The following GRIK2 variants were observed in gnomAD, a reference collection of about 807,000 sequenced individuals.
GRIK2 encodes glutamate ionotropic receptor kainate type subunit 2.
GRIK2 carries 32 observed loss-of-function variants against 100.3 expected under a neutral mutation model. The observed-to-expected ratio is 0.32, with a 90% CI of 0.24 to 0.43. The LOEUF (loss-of-function observed/expected upper bound fraction) is 0.43, where lower values mean the gene tolerates loss of function less well. GRIK2 is among the 20% of genes least tolerant of loss of function. The pLI, the probability that GRIK2 is intolerant of heterozygous loss-of-function variation, is 1.00. For missense variants in GRIK2, 843 were observed against 1,114.9 expected, an observed-to-expected ratio of 0.76 and a Z score of 3.47; for synonymous variants, 417 against 389.4, an observed-to-expected ratio of 1.07 and a Z score of -0.83.
chr6:101,447,623 T>C (rs944650085), intron 2 of GRIK2, among the ~76,000 whole-genome samples: 1 of 151,594 alleles, frequency 6.6e-6, no homozygotes. Flanking sequence ...TTAGAAGGAG[T>C]GTAGCTCCCA....
At chr6:101,682,640 TTTA>T (rs1230409064) in intron 6 of GRIK2, 34 bp downstream of exon 6, 1 of 873,726 alleles carries the variant, frequency 1.1e-6, no homozygotes, top group Admixed American at 2.3e-5. Context: ...TGTTCTGAAT[TTTA>T]TTATTATGAC....
At chr6:101,563,425 T>C (rs1777117044) in intron 2 of GRIK2, among the ~76,000 whole-genome samples, 1 of 152,182 alleles carries the variant, frequency 6.6e-6, no homozygotes, top group Non-Finnish European at 1.5e-5. Flanking sequence ...TGTTGAAACA[T>C]TGTGTTGTCC....
chr6:101,471,079 C>T (rs1297419128), intron 2 of GRIK2, among the ~76,000 whole-genome samples: 2 of 151,988 alleles, frequency 1.3e-5, no homozygotes, highest in African/African-American at 4.8e-5. Flanking sequence ...ACTTTTTTCT[C>T]TTAATGTGTA....
chr6:101,558,229 A>T (rs1482873681), intron 2 of GRIK2, among the ~76,000 whole-genome samples: 1 of 152,208 alleles, frequency 6.6e-6, no homozygotes, highest in Non-Finnish European at 1.5e-5. Context: ...TCCACATTCA[A>T]TAAACATTCT....
intron 7 of GRIK2, among the ~76,000 whole-genome samples, chr6:101,774,863 T>TAC (rs1169851402): frequency 6.6e-6 from 1 of 151,896 alleles, no homozygotes; most frequent in African/African-American, 2.4e-5. Context: ...AAGATATATA[T>TAC]ATCAGAAAGA....
chr6:101,572,095 T>C (rs1777566395), intron 2 of GRIK2, among the ~76,000 whole-genome samples: 1 of 152,142 alleles, frequency 6.6e-6, no homozygotes, highest in Non-Finnish European at 1.5e-5. Context: ...CTGTATCTTT[T>C]TTAATGATTT....
intron 12 of GRIK2, chr6:101,891,471 C>T (rs977328088): frequency 3.7e-5 from 12 of 324,014 alleles, no homozygotes; most frequent in Middle Eastern, 1.2e-3. Flanking sequence ...AAGCCGAGAT[C>T]GTGCCACTGC....
At chr6:101,878,844 AAG>A (rs1245331346) in intron 11 of GRIK2, among the ~76,000 whole-genome samples, 3 of 152,000 alleles carry the variant, frequency 2.0e-5, no homozygotes, top group Admixed American at 6.6e-5. Context: ...CACTTATTTT[AAG>A]AGTCTGGTTC....
chr6:101,471,830 C>T (rs999578321), intron 2 of GRIK2, among the ~76,000 whole-genome samples: 8 of 151,688 alleles, frequency 5.3e-5, no homozygotes, highest in Non-Finnish European at 1.0e-4. Flanking sequence ...GAAATCTTCC[C>T]CTTTAGTATG....
chr6:101,759,877 AT>A (rs1562363164), intron 7 of GRIK2, among the ~76,000 whole-genome samples: 1 of 132,260 alleles, frequency 7.6e-6, no homozygotes, highest in African/African-American at 3.1e-5. Context: ...ATTTATTTTT[AT>A]TTTTATTTTT....
chr6:101,660,389 T>C (rs1238807210), intron 4 of GRIK2, among the ~76,000 whole-genome samples: 2 of 152,170 alleles, frequency 1.3e-5, no homozygotes, highest in Non-Finnish European at 2.9e-5. Context: ...TTTTTTAAGG[T>C]TCTTAGTTTC....
chr6:101,928,859 C>A (rs1325327405), intron 14 of GRIK2, among the ~76,000 whole-genome samples: 1 of 152,022 alleles, frequency 6.6e-6, no homozygotes, highest in African/African-American at 2.4e-5. Context: ...ATATTTTGTT[C>A]CTGTTTTGAG....
chr6:101,784,946 A>G (rs1006750408), intron 7 of GRIK2, among the ~76,000 whole-genome samples: 2 of 152,060 alleles, frequency 1.3e-5, no homozygotes, highest in African/African-American at 4.8e-5. Flanking sequence ...CTTTTTCTCC[A>G]TGTTTTTGGT....
At chr6:101,789,550 G>T (rs1408192938) in intron 7 of GRIK2, among the ~76,000 whole-genome samples, 1 of 152,066 alleles carries the variant, frequency 6.6e-6, no homozygotes, top group Non-Finnish European at 1.5e-5. Context: ...GCTCTGTTCT[G>T]TTCCATTGAT....
At chr6:101,453,023 C>T (rs1770796061) in intron 2 of GRIK2, among the ~76,000 whole-genome samples, 1 of 151,672 alleles carries the variant, frequency 6.6e-6, no homozygotes, top group Non-Finnish European at 1.5e-5. Context: ...TAAAAAAAAT[C>T]CTTTCTTCTA....
chr6:102,055,372 T>G lies in GRIK2; in HGVS notation c.2354T>G (p.Leu785Arg). The G allele has an allele frequency of 6.2e-7, 1 of 1,611,966 alleles. No homozygotes were observed. Among genetic ancestry groups the G allele is most frequent in the Non-Finnish European group, 8.5e-7 (1 of 1,178,118 alleles). Residue 785 changes from leucine (L) to arginine (R), a missense_variant, in exon 16 of 17, where the codon CTG (leucine) becomes CGG (arginine). Leu to Arg is a moderately radical substitution (Grantham distance 102). Coordinates refer to ENST00000369134, the MANE Select transcript of GRIK2 (RefSeq NM_021956.5). ...RDKITIAILQ[L>R]QEEGKLHMMK... ...AAAATTACCATAGCAATTCTTCAGC[T>G]GCAAGAGGAAGGCAAACTGCATATG... is the stretch of plus-strand genomic sequence containing the variant.
intron 7 of GRIK2, among the ~76,000 whole-genome samples, chr6:101,739,247 G>A (rs1230318384): frequency 6.6e-6 from 1 of 152,168 alleles, no homozygotes. Context: ...TTCTGCCACT[G>A]GAGAACACGA....
rs186064689 is a variant in GRIK2 at position 101,944,027 on chromosome 6, T to A, written c.2085+15395T>A. ...GGCCTGGCAGGAGGTGATTGGCTCA[T>A]GAGGGCGGTTTTTAATGGTTTAGCA... is the stretch of plus-strand genomic sequence containing the variant. On this transcript the variant is annotated intron_variant, in intron 14 of 16. Coordinates refer to ENST00000369134, the MANE Select transcript of GRIK2 (RefSeq NM_021956.5). 4.1e-4 allele frequency among the ~76,000 whole-genome samples: 62 copies of A among 152,248 alleles called. 2 individuals carry two copies. Among genetic ancestry groups the A allele is most frequent in the African/African-American group, 1.4e-3 (60 of 41,558 alleles).
At chr6:101,750,739 G>A (rs555206006) in intron 7 of GRIK2, among the ~76,000 whole-genome samples, 10 of 152,174 alleles carry the variant, frequency 6.6e-5, no homozygotes, top group Non-Finnish European at 1.2e-4. Flanking sequence ...GAAAGAGAAG[G>A]GTTGTAACTA....
Sources: gnomAD v4.1 joint callset for allele counts (sites outside exome capture counted in the v4.1 genomes callset) on GRCh38, gnomAD v4.1.1 for gene constraint, MANE v1.5 for transcripts, NCBI Gene and HGNC (gene_info 2026-07-23, HGNC 2026-07-21) for gene names.